GYPB: variants seen among roughly 807,000 people sequenced by gnomAD.
GYPB encodes glycophorin B (MNS blood group).
A neutral mutation model predicts 15.3 loss-of-function variants in GYPB; 13 were observed. The ratio of observed to expected loss-of-function variants is 0.85; its 90% confidence interval spans 0.55 to 1.35. The LOEUF is 1.35. Ranked by LOEUF, GYPB falls within the 40% of genes most tolerant of loss-of-function variation. The pLI is 0.00. For synonymous variants in GYPB, 38 were observed against 36.9 expected (o/e 1.03, Z -0.11); for missense variants, 131 against 108.3 (o/e 1.21, Z -0.93).
intron 1 of GYPB, among the ~76,000 whole-genome samples, chr4:144,009,384 C>T (rs1728094579): frequency 1.3e-5 from 2 of 150,918 alleles, no homozygotes; most frequent in African/African-American, 5.0e-5. Flanking sequence ...GAGAGAGTAA[C>T]TACTTTAGGA....
At chr4:144,004,781 A>T (rs1398994996) in intron 1 of GYPB, among the ~76,000 whole-genome samples, 2 of 152,014 alleles carry the variant, frequency 1.3e-5, no homozygotes, top group East Asian at 3.8e-4. Flanking sequence ...TGGCTCTCCT[A>T]GATTCCTAAG....
At chr4:144,002,803 G>C (rs1053401122) in intron 1 of GYPB, 4 of 559,082 alleles carry the variant, frequency 7.2e-6, no homozygotes, top group African/African-American at 6.0e-5. Flanking sequence ...TAGGTAATCA[G>C]TTTACCTCCA....
chr4:144,003,129 A>G (rs1252209926), intron 1 of GYPB, among the ~76,000 whole-genome samples: 3 of 151,526 alleles, frequency 2.0e-5, no homozygotes, highest in Non-Finnish European at 4.4e-5. Context: ...TTATGAGTCA[A>G]TTAAAGTATG....
At chr4:143,996,870 A>G (rs1317870689) in intron 4 of GYPB, among the ~76,000 whole-genome samples, 1 of 114,064 alleles carries the variant, frequency 8.8e-6, no homozygotes, top group Admixed American at 8.9e-5. Flanking sequence ...ACATGTGAGA[A>G]TTAAGAAAGG....
At chr4:144,016,708 A>G (rs1374359704) in intron 1 of GYPB, 4 of 339,782 alleles carry the variant, frequency 1.2e-5, no homozygotes, top group South Asian at 7.1e-5. Flanking sequence ...TCCTAGTTGA[A>G]GTGATATAGT....
intron 1 of GYPB, among the ~76,000 whole-genome samples, chr4:144,009,771 G>T (rs1425488895): frequency 6.7e-6 from 1 of 149,550 alleles, no homozygotes; most frequent in African/African-American, 2.5e-5. Context: ...CCGCCACCAA[G>T]CCCGGCTAAT....
chr4:144,008,446 T>G (rs902486302), intron 1 of GYPB: 2 of 455,274 alleles, frequency 4.4e-6, no homozygotes, highest in Admixed American at 4.7e-5. Context: ...CATTGTAGGG[T>G]GACCTGCAGT....
chr4:144,013,486 A>G (rs541465824), intron 1 of GYPB, among the ~76,000 whole-genome samples: 1 of 151,452 alleles, frequency 6.6e-6, no homozygotes, highest in Non-Finnish European at 1.5e-5. Context: ...TTATTGTGGC[A>G]TTATTCACAA....
chr4:144,006,801 T>C (rs958151925), intron 1 of GYPB, among the ~76,000 whole-genome samples: 1 of 151,772 alleles, frequency 6.6e-6, no homozygotes, highest in African/African-American at 2.4e-5. Flanking sequence ...TGAAAACTAC[T>C]TGATAAATGC....
At chr4:144,005,552 C>T (rs1305308123) in intron 1 of GYPB, among the ~76,000 whole-genome samples, 8 of 151,592 alleles carry the variant, frequency 5.3e-5, no homozygotes, top group African/African-American at 1.2e-4. Flanking sequence ...ATACCATAGC[C>T]GCTATGAGAA....
At chr4:144,006,327 C>G (rs1159520047) in intron 1 of GYPB, among the ~76,000 whole-genome samples, 1 of 151,956 alleles carries the variant, frequency 6.6e-6, no homozygotes, top group African/African-American at 2.4e-5. Flanking sequence ...GTCTCTTATC[C>G]CCATGTGTTG....
chr4:143,997,960 T>C (rs1456340424), intron 3 of GYPB, among the ~76,000 whole-genome samples: 1 of 151,002 alleles, frequency 6.6e-6, no homozygotes, highest in Non-Finnish European at 1.5e-5. Context: ...TCCTCAGATA[T>C]GGGGAAAAAA....
intron 1 of GYPB, among the ~76,000 whole-genome samples, chr4:144,015,961 T>G (rs1443432366): frequency 1.3e-5 from 2 of 150,852 alleles, no homozygotes; most frequent in East Asian, 1.9e-4. Context: ...CATTTGTCAT[T>G]TTGAGTAGTT....
chr4:144,012,721 G>A (rs2149967825), intron 1 of GYPB: 1 of 151,610 alleles, frequency 6.6e-6, no homozygotes, highest in South Asian at 2.1e-4. Flanking sequence ...AATGGGCAAA[G>A]GATAGTCTCT....
chr4:144,009,023 A>G (rs1238754753), intron 1 of GYPB, among the ~76,000 whole-genome samples: 1 of 151,534 alleles, frequency 6.6e-6, no homozygotes, highest in Non-Finnish European at 1.5e-5. Flanking sequence ...AGCCTGAACA[A>G]CTTTAGAAAT....
At chr4:144,001,095 G>T in intron 2 of GYPB, 90 bp downstream of exon 2, 4 of 1,602,968 alleles carry the variant, frequency 2.5e-6, no homozygotes, top group Non-Finnish European at 3.4e-6. Flanking sequence ...GTGTTTGTCA[G>T]TTTCTCTGCA....
At chr4:144,003,768 AT>A (rs1727740468) in intron 1 of GYPB, among the ~76,000 whole-genome samples, 1 of 151,300 alleles carries the variant, frequency 6.6e-6, no homozygotes, top group South Asian at 2.1e-4. Flanking sequence ...CTTGGTGGAA[AT>A]TTTGTACCGA....
chr4:144,013,827 T>C (rs1215577487), intron 1 of GYPB, among the ~76,000 whole-genome samples: 1 of 150,784 alleles, frequency 6.6e-6, no homozygotes, highest in Non-Finnish European at 1.5e-5. Context: ...TGCTAGATGA[T>C]GAGTTAGTGG....
chr4:144,008,846 C>A (rs1265165510), intron 1 of GYPB, among the ~76,000 whole-genome samples: 3 of 151,492 alleles, frequency 2.0e-5, no homozygotes, highest in Non-Finnish European at 4.4e-5. Flanking sequence ...GATATCCAGG[C>A]ATTGGATTCT....
Sources: allele counts gnomAD v4.1 joint callset (sites outside exome capture counted in the v4.1 genomes callset), GRCh38; gene constraint gnomAD v4.1.1; transcripts MANE v1.5; gene names NCBI Gene and HGNC (gene_info 2026-07-23, HGNC 2026-07-21).